The following TMEM68 variants were observed in gnomAD, a reference collection of about 807,000 sequenced individuals.
TMEM68 encodes transmembrane protein 68, also known as DGAT1/2-independent enzyme synthesizing storage lipids.
TMEM68 carries 25 observed loss-of-function variants against 36.9 expected under a neutral mutation model. The ratio of observed to expected loss-of-function variants is 0.68; its 90% confidence interval spans 0.49 to 0.95. The LOEUF is 0.95. Among genes scored for constraint, TMEM68 ranks in the 40% least tolerant of loss-of-function variants. The pLI is 0.00. For synonymous variants in TMEM68, 131 were observed against 124.4 expected, an observed-to-expected ratio of 1.05 and a Z score of -0.35; for missense variants, 333 against 392.0, an observed-to-expected ratio of 0.85 and a Z score of 1.27.
intron 1 of TMEM68, among the ~76,000 whole-genome samples, chr8:55,770,105 A>G (rs534669358): frequency 1.7e-4 from 26 of 152,242 alleles, no homozygotes; most frequent in Non-Finnish European, 3.1e-4. Flanking sequence ...AATTGTGCAG[A>G]TAACAAAAAA....
chr8:55,770,196 A>C (rs1585739011), intron 1 of TMEM68, among the ~76,000 whole-genome samples: 1 of 152,316 alleles, frequency 6.6e-6, no homozygotes, highest in East Asian at 1.9e-4. Context: ...ATTAAAATCT[A>C]GTCATCTTAC....
chr8:55,745,197 A>C (rs1810234224), intron 5 of TMEM68, 76 bp from the exon 6 acceptor site: 2 of 1,014,644 alleles, frequency 2.0e-6, no homozygotes, highest in Non-Finnish European at 2.7e-6. Context: ...TAACTAATGC[A>C]AACTTTTTTT....
intron 1 of TMEM68, among the ~76,000 whole-genome samples, chr8:55,766,210 GAGGA>G (rs1563439456): frequency 3.1e-4 from 1 of 3,202 alleles, no homozygotes; most frequent in African/African-American, 6.2e-4. Context: ...AAACCTGAGG[GAGGA>G]AGGAAGGAAG....
In TMEM68 at chr8:55,739,526, A is replaced by C. The variant is rs1203911770; in HGVS notation, c.*606T>G. 1 of 152,600 alleles carries C rather than the reference A, an allele frequency of 6.6e-6. No homozygotes were observed. Among genetic ancestry groups the C allele is most frequent in the East Asian group, 1.9e-4 (1 of 5,204 alleles). 9.5% of individuals were successfully genotyped at this position (152,600 alleles called of 1,614,324 possible). On this transcript the variant is annotated 3_prime_UTR_variant, in exon 8 of 8. Coordinates refer to ENST00000434581, the MANE Select transcript of TMEM68 (RefSeq NM_001286657.2). ...ACACAATGGAGAAAATATATACATA[A>C]CTGCTAAAGGATTTTGACATTGTTT...
At position 55,739,142 on chromosome 8, in the gene TMEM68, T is replaced by C. The variant is rs1318216922; in HGVS notation, c.*990A>G. 6.6e-6 allele frequency: 1 copy of C among 152,532 alleles called. No individual in the cohort carries two copies. Among genetic ancestry groups the C allele is most frequent in the Non-Finnish European group, 1.5e-5 (1 of 68,028 alleles). 9.4% of individuals were successfully genotyped at this position (152,532 alleles called of 1,614,324 possible). On this transcript the variant is annotated 3_prime_UTR_variant, in exon 8 of 8. Coordinates refer to ENST00000434581, the MANE Select transcript of TMEM68 (RefSeq NM_001286657.2). ...AAAACAAAACAAAACATAAATAAAT[T>C]CATCATTCAAGTATATTTTTATTGA...
rs191125748 is a variant in TMEM68 at position 55,740,077 on chromosome 8, G to C, written c.*55C>G. On this transcript the variant is annotated 3_prime_UTR_variant, in exon 8 of 8. Transcript: ENST00000434581. ...ACAAAATTCAGAAGACAGTACCTTAGATACAAACATTTAATATAAATGTAC... is the reference window on the plus strand; with the variant it reads ...ACAAAATTCAGAAGACAGTACCTTACATACAAACATTTAATATAAATGTAC... 146 of 1,419,464 alleles carry C rather than the reference G, an allele frequency of 1.0e-4. No homozygotes were observed. In the African/African-American group the frequency reaches 1.9e-3, roughly 19 times the overall value. 87.9% of individuals were successfully genotyped at this position (1,419,464 alleles called of 1,614,324 possible).
chr8:55,745,752 A>T (rs1471811169), intron 5 of TMEM68: 1 of 152,212 alleles, frequency 6.6e-6, no homozygotes, highest in Non-Finnish European at 1.5e-5. Flanking sequence ...GCTGGATTGC[A>T]GTGGCGTGAT....
At chr8:55,771,354 C>T (rs1811154171) in intron 1 of TMEM68, among the ~76,000 whole-genome samples, 1 of 152,120 alleles carries the variant, frequency 6.6e-6, no homozygotes, top group Non-Finnish European at 1.5e-5. Flanking sequence ...ATAATCCTAA[C>T]ACTTTGGGAG....
intron 5 of TMEM68, chr8:55,747,786 A>G (rs1810327045): frequency 6.6e-6 from 1 of 152,184 alleles, no homozygotes; most frequent in African/African-American, 2.4e-5. Context: ...TGAAATCCTA[A>G]TGTTTTAAAT....
intron 1 of TMEM68, among the ~76,000 whole-genome samples, chr8:55,770,001 G>A (rs1242295594): frequency 6.6e-6 from 1 of 152,180 alleles, no homozygotes; most frequent in Non-Finnish European, 1.5e-5. Context: ...AGAACTATCA[G>A]AGGAATTTGA....
intron 7 of TMEM68, among the ~76,000 whole-genome samples, chr8:55,742,068 G>A (rs1291628108): frequency 2.6e-5 from 4 of 152,048 alleles, no homozygotes; most frequent in African/African-American, 9.7e-5. Context: ...AGGAAAGAAA[G>A]AAAAGAGGGA....
At chr8:55,756,504 G>C in intron 3 of TMEM68, 93 bp from the exon 4 acceptor site, 5 of 1,098,826 alleles carry the variant, frequency 4.6e-6, no homozygotes, top group Non-Finnish European at 6.4e-6. Context: ...TCTCACAAAA[G>C]TACACTAGTC....
chr8:55,765,238 TC>T (rs2130023021), intron 1 of TMEM68, among the ~76,000 whole-genome samples: 1 of 152,276 alleles, frequency 6.6e-6, no homozygotes, highest in African/African-American at 2.4e-5. Flanking sequence ...CAGACCCTCT[TC>T]CATTAAACAA....
At chr8:55,751,230 A>G in intron 4 of TMEM68, 73 bp from the exon 5 acceptor site, 1 of 1,330,698 alleles carries the variant, frequency 7.5e-7, no homozygotes, top group South Asian at 1.5e-5. Flanking sequence ...AAATCTTCAC[A>G]AACTACATAG....
chr8:55,739,576 T>C lies in TMEM68; in HGVS notation c.*556A>G, dbSNP rs1466426797. The C allele has an allele frequency of 6.6e-6, 1 of 152,634 alleles. No homozygotes were observed. The highest frequency in any genetic ancestry group is 1.5e-5 in the Non-Finnish European group (1 of 68,044). 9.5% of individuals were successfully genotyped at this position (152,634 alleles called of 1,614,324 possible). A position where few individuals can be genotyped will look rare whatever the true frequency, so the allele number is the denominator to read the frequency against. On this transcript the variant is annotated 3_prime_UTR_variant, in exon 8 of 8. Transcript: ENST00000434581. Reference sequence around the variant, plus strand: ...TAAATTAATTATTTTATTATTTTGGTTCAACAGTTATCAATCACAGTAAAT... The same window carrying C: ...TAAATTAATTATTTTATTATTTTGGCTCAACAGTTATCAATCACAGTAAAT...
At chr8:55,770,930 AG>A (rs2130054784) in intron 1 of TMEM68, among the ~76,000 whole-genome samples, 1 of 152,124 alleles carries the variant, frequency 6.6e-6, no homozygotes, top group East Asian at 1.9e-4. Context: ...CAGCGGCAGG[AG>A]GATCACCTGA....
chr8:55,740,465 T>C (rs779733326), intron 7 of TMEM68, among the ~76,000 whole-genome samples: 1 of 150,938 alleles, frequency 6.6e-6, no homozygotes, highest in Non-Finnish European at 1.5e-5. Flanking sequence ...TGTGCCTGGC[T>C]GCAGCATATT....
chr8:55,756,220 T>C (rs747603745), intron 4 of TMEM68, 24 bp downstream of exon 4: 2 of 1,581,956 alleles, frequency 1.3e-6, no homozygotes, highest in South Asian at 2.4e-5. Context: ...CATTTTTACA[T>C]TACTATCTAC....
intron 3 of TMEM68, among the ~76,000 whole-genome samples, chr8:55,758,378 T>C (rs10808900): frequency 0.85 from 129,507 of 152,198 alleles, 55,381 homozygotes; most frequent in East Asian, 0.99. Context: ...TCAGTTGTCA[T>C]TCTTTTACAA....
Sources: gnomAD v4.1 joint callset for allele counts (sites outside exome capture counted in the v4.1 genomes callset) on GRCh38, gnomAD v4.1.1 for gene constraint, MANE v1.5 for transcripts, NCBI Gene and HGNC (gene_info 2026-07-23, HGNC 2026-07-21) for gene names.